IL27RA: variants seen among roughly 807,000 people sequenced by gnomAD.
IL27RA encodes interleukin 27 receptor subunit alpha.
IL27RA carries 61 observed loss-of-function variants against 80.8 expected under a neutral mutation model. The ratio of observed to expected loss-of-function variants is 0.76; its 90% CI spans 0.61 to 0.93. The LOEUF (loss-of-function observed/expected upper bound fraction) is 0.93, where lower values mean the gene tolerates loss of function less well. IL27RA is among the 40% of genes least tolerant of loss of function. IL27RA has a pLI of 0.00. For synonymous variants in IL27RA, 316 were observed against 332.5 expected (o/e 0.95, Z 0.54); for missense variants, 735 against 808.1 (o/e 0.91, Z 1.10).
intron 2 of IL27RA, among the ~76,000 whole-genome samples, chr19:14,034,152 T>G (rs1231526996): frequency 1.3e-5 from 2 of 152,082 alleles, no homozygotes; most frequent in Non-Finnish European, 2.9e-5. Flanking sequence ...AAAAGATTAT[T>G]CAGTGTGGTG....
rs985958342 is a variant in IL27RA, at chr19:14,051,978, G to T, written c.1716+5G>T. On this transcript the variant is annotated splice_donor_5th_base_variant and intron_variant, in intron 13 of 13. Transcript: ENST00000263379. ...TCAGGCCAGCCCCACATGGAGGTGA[G>T]TCAAAGGGCCGGCTAGTCGGAGCCC... is the stretch of plus-strand genomic sequence containing the variant. The T allele has an allele frequency of 5.7e-6, 9 of 1,582,262 alleles. No individual in the cohort carries two copies. The highest frequency in any genetic ancestry group is 7.7e-6 in the Non-Finnish European group (9 of 1,162,954).
At chr19:14,040,945 C>T (rs1975981864) in intron 4 of IL27RA, among the ~76,000 whole-genome samples, 1 of 150,984 alleles carries the variant, frequency 6.6e-6, no homozygotes, top group African/African-American at 2.4e-5. Flanking sequence ...TCTTAATTGC[C>T]CAGGCTGGAG....
intron 2 of IL27RA, among the ~76,000 whole-genome samples, chr19:14,037,548 C>G (rs1229040858): frequency 2.0e-5 from 3 of 151,998 alleles, no homozygotes; most frequent in African/African-American, 4.8e-5. Context: ...AGCCACCACG[C>G]CTGGCCCCTT....
At chr19:14,041,481 G>C (rs1425496987) in intron 4 of IL27RA, among the ~76,000 whole-genome samples, 1 of 152,116 alleles carries the variant, frequency 6.6e-6, no homozygotes, top group South Asian at 2.1e-4. Flanking sequence ...GATTACAGGC[G>C]TGAGCCACCT....
In IL27RA at chr19:14,051,921, G is replaced by A; in HGVS notation, c.1664G>A (p.Trp555Ter). 2 of 1,588,976 alleles carry A rather than the reference G, an allele frequency of 1.3e-6. No individual in the cohort carries two copies. The highest frequency in any genetic ancestry group is 1.7e-6 in the Non-Finnish European group (2 of 1,166,736). ...CACAAAGTGCTGCCCCGCTGGGTCTGGGAGAAAGTTCCTGATCCTGCCAAC... is the reference window on the plus strand; with the variant it reads ...CACAAAGTGCTGCCCCGCTGGGTCTAGGAGAAAGTTCCTGATCCTGCCAAC... ...LRHKVLPRWVWEKVPDPANSS... is the reference protein window; with the variant it reads ...LRHKVLPRWV The change falls in exon 13 of 14, where the codon TGG (tryptophan) becomes TAG (stop). Residue 555 changes from tryptophan (W) to a stop codon, truncating the protein, a stop_gained. Transcript: ENST00000263379. LOFTEE classifies it high-confidence loss of function.
At chr19:14,036,824 C>T (rs1205394568) in intron 2 of IL27RA, among the ~76,000 whole-genome samples, 3 of 149,356 alleles carry the variant, frequency 2.0e-5, no homozygotes, top group Non-Finnish European at 3.0e-5. Context: ...AGTATTCCAT[C>T]GTGTATGTAT....
intron 4 of IL27RA, among the ~76,000 whole-genome samples, chr19:14,040,903 T>A (rs1975980490): frequency 1.5e-5 from 1 of 66,496 alleles, no homozygotes; most frequent in Admixed American, 1.3e-4. Flanking sequence ...AGATGCAGAA[T>A]TTTTTTTTTT....
At chr19:14,032,361 T>G in intron 1 of IL27RA, 25 bp from the exon 2 acceptor site, 22 of 1,577,190 alleles carry the variant, frequency 1.4e-5, no homozygotes, top group Non-Finnish European at 1.7e-5. Flanking sequence ...CCCCCTTTCC[T>G]GAGACCCTCT....
chr19:14,046,105 G>A (rs1316994168), intron 6 of IL27RA, 49 bp from the exon 7 acceptor site: 2 of 1,548,868 alleles, frequency 1.3e-6, no homozygotes, highest in South Asian at 2.3e-5. Flanking sequence ...ACACATATAT[G>A]TGCGTGATTA....
chr19:14,046,711 T>A (rs1976072979), intron 8 of IL27RA, 93 bp downstream of exon 8: 1 of 1,255,756 alleles, frequency 8.0e-7, no homozygotes. Context: ...TAAAGTAGCG[T>A]GATGGCCGGG....
At position 14,042,435 on chromosome 19, in the gene IL27RA, C is replaced by A. The variant is rs114140175; in HGVS notation, c.535-18C>A. On this transcript the variant is annotated intron_variant, in intron 4 of 13. Coordinates refer to ENST00000263379, the MANE Select transcript of IL27RA (RefSeq NM_004843.4). ...ACTCAGGCCCTGGGCCCATCACGCT[C>A]GCCTGTCTCTCCCCCAGCTGGAACC... The A allele has an allele frequency of 6.3e-4, 1,014 of 1,611,650 alleles. 6 individuals are homozygous for A. In the African/African-American group the frequency reaches 0.012, roughly 20 times the overall value.
intron 8 of IL27RA, among the ~76,000 whole-genome samples, chr19:14,048,377 G>A (rs971290775): frequency 6.6e-6 from 1 of 152,212 alleles, no homozygotes; most frequent in African/African-American, 2.4e-5. Context: ...AAGGATATAT[G>A]AACCAAAGAA....
At chr19:14,039,987 C>T (rs1311578342) in intron 4 of IL27RA, 77 bp downstream of exon 4, 5 of 1,425,908 alleles carry the variant, frequency 3.5e-6, no homozygotes, top group South Asian at 1.2e-5. Flanking sequence ...TGAGACCCAG[C>T]CCAGGACTCA....
chr19:14,032,891 A>G (rs1975843478), intron 2 of IL27RA, among the ~76,000 whole-genome samples: 1 of 150,570 alleles, frequency 6.6e-6, no homozygotes, highest in East Asian at 2.0e-4. Context: ...CCACTCCTTC[A>G]ATTCTAGCTT....
rs1399449023 is a variant in IL27RA, at chr19:14,046,306, G to A, written c.921G>A (p.Glu307=). 1 of 1,613,902 alleles carries A rather than the reference G, an allele frequency of 6.2e-7. No individual in the cohort carries two copies. The highest frequency in any genetic ancestry group is 1.3e-5 in the African/African-American group (1 of 74,924). ...RVSAVNATSW[E]PLTNLSLVCL... is the part of the protein sequence containing the mutation. Reference sequence around the variant, plus strand: ...CCGCTGTCAACGCCACAAGCTGGGAGCCTCTCACCAACCTCTCTTTGGTCT... The same window carrying A: ...CCGCTGTCAACGCCACAAGCTGGGAACCTCTCACCAACCTCTCTTTGGTCT... Residue 307 remains glutamate, a synonymous_variant, in exon 7 of 14, where the codon GAG becomes GAA. Transcript: ENST00000263379.
At chr19:14,041,324 A>G (rs187611579) in intron 4 of IL27RA, among the ~76,000 whole-genome samples, 1 of 151,872 alleles carries the variant, frequency 6.6e-6, no homozygotes, top group Non-Finnish European at 1.5e-5. Flanking sequence ...CAGCCCCTCA[A>G]GTAGGTGGGA....
chr19:14,037,809 AGT>A (rs1975926197), intron 2 of IL27RA, among the ~76,000 whole-genome samples: 1 of 145,700 alleles, frequency 6.9e-6, no homozygotes, highest in Non-Finnish European at 1.5e-5. Flanking sequence ...TGGCCAACAG[AGT>A]GAGACCCTCT....
Position 14,046,323 on chromosome 19 carries a change from C to T in IL27RA, c.938C>T (p.Ser313Phe). ...AGCTGGGAGCCTCTCACCAACCTCT[C>T]TTTGGTCTGCTTGGGTAAGAGACTG... The part of the protein sequence containing the change: ...ATSWEPLTNL[S>F]LVCLDSASAP... The change falls in exon 7 of 14, where the codon TCT becomes TTT. Residue 313 changes from serine to phenylalanine, a missense_variant. Physicochemically the swap from Ser to Phe is radical, Grantham distance 155. Transcript: ENST00000263379. 1.2e-6 allele frequency: 2 copies of T among 1,613,860 alleles called. No homozygotes were observed. The highest frequency in any genetic ancestry group is 1.7e-6 in the Non-Finnish European group (2 of 1,179,854).
chr19:14,039,906 C>T lies in IL27RA; in HGVS notation c.530C>T (p.Thr177Ile), dbSNP rs536704566. The T allele has an allele frequency of 1.9e-6, 3 of 1,613,962 alleles. No individual in the cohort carries two copies. In the African/African-American group the frequency reaches 4.0e-5, roughly 22 times the overall value. The change falls in exon 4 of 14, where the codon ACC (threonine) becomes ATC (isoleucine). Residue 177 changes from threonine to isoleucine, a missense_variant. Coordinates refer to ENST00000263379, the MANE Select transcript of IL27RA (RefSeq NM_004843.4). ...CGAAGATGTCAGGAGGCGGCCTGGA[C>T]CCTGGTGAGTGCTGGGGTCCTTTTC... is the stretch of plus-strand genomic sequence containing the variant. ...HYRRCQEAAW[T>I]LLEPELKTIP...
Sources: gnomAD v4.1 joint callset for allele counts (sites outside exome capture counted in the v4.1 genomes callset) on GRCh38, gnomAD v4.1.1 for gene constraint, MANE v1.5 for transcripts, NCBI Gene and HGNC (gene_info 2026-07-23, HGNC 2026-07-21) for gene names.